Variants in XG observed in about 807,000 individuals in gnomAD.
The protein encoded by XG is Xg glycoprotein (Xg blood group).
A neutral mutation model predicts 25.7 loss-of-function variants in XG; 24 were observed. That is an observed-to-expected ratio of 0.93 (90% confidence interval 0.68 to 1.31). The LOEUF (loss-of-function observed/expected upper bound fraction) is 1.31. Ranked by LOEUF, XG falls within the 40% of genes most tolerant of loss-of-function variation. XG has a pLI of 0.00. For missense variants in XG, 181 were observed against 187.6 expected, an observed-to-expected ratio of 0.96 and a Z score of 0.21; for synonymous variants, 77 against 69.2, an observed-to-expected ratio of 1.11 and a Z score of -0.56.
At chrX:2,810,135 C>A (rs1429999078) in intron 9 of XG, among the ~76,000 whole-genome samples, 1 of 112,100 alleles carries the variant, frequency 8.9e-6, no homozygotes, top group Non-Finnish European at 1.9e-5. Flanking sequence ...CTCTTCCCCC[C>A]AGCATGGCAG....
chrX:2,759,036 C>G (rs28491451), intron 1 of XG, among the ~76,000 whole-genome samples: 1 of 2,750 alleles, frequency 3.6e-4, no homozygotes, highest in East Asian at 1.1e-3. Context: ...ATCTATGTAT[C>G]TATCTATCCA....
chrX:2,772,660 A>G (rs1241706765), intron 2 of XG, among the ~76,000 whole-genome samples: 1 of 152,238 alleles, frequency 6.6e-6, no homozygotes, highest in African/African-American at 2.4e-5. Flanking sequence ...TTGTGAATAT[A>G]TGAAACACCA....
intron 7 of XG, 22 bp downstream of exon 7, chrX:2,797,382 CGATGGTG>C: frequency 7.3e-6 from 7 of 956,915 alleles, no homozygotes; most frequent in Non-Finnish European, 1.0e-5. Context: ...TCTGGGCATG[CGATGGTG>C]GGTGGAGGGT....
At chrX:2,784,877 C>G (rs1334768386) in intron 4 of XG, among the ~76,000 whole-genome samples, 1 of 112,597 alleles carries the variant, frequency 8.9e-6, no homozygotes, top group Non-Finnish European at 1.9e-5. Context: ...TTAATCAATA[C>G]TGTGTGAATC....
chrX:2,804,641 T>TTGTTCTCTGGCA (rs1441032778), intron 7 of XG, among the ~76,000 whole-genome samples: 1 of 111,806 alleles, frequency 8.9e-6, no homozygotes, highest in African/African-American at 3.2e-5. Context: ...ACACGTTCTT[T>TTGTTCTCTGGCA]TGTTCTCTGG....
At chrX:2,773,481 G>GGGAAGGAA (rs201385717) in intron 2 of XG, among the ~76,000 whole-genome samples, 1 of 135,912 alleles carries the variant, frequency 7.4e-6, no homozygotes, top group African/African-American at 3.0e-5. Flanking sequence ...AAAGGAGAGA[G>GGGAAGGAA]GGAAGGAAGG....
rs1469147668 is a variant in XG at position 2,762,903 on chromosome X, C to A, written c.62-7647C>A. On this transcript the variant is annotated intron_variant, in intron 1 of 10. Transcript: ENST00000644266. ...TTCAAGGGAAATTCCAGGCACCTCG[C>A]TGGCCTTGAGAAGTACATGGAGCAG... 2.6e-5 allele frequency among the ~76,000 whole-genome samples: 4 copies of A among 152,224 alleles called. No individual in the cohort carries two copies. In the East Asian group the frequency reaches 7.7e-4, roughly 29 times the overall value.
At chrX:2,774,676 T>C (rs768887915) in intron 2 of XG, 40 bp from the exon 3 acceptor site, 1 of 1,611,956 alleles carries the variant, frequency 6.2e-7, no homozygotes, top group Admixed American at 1.7e-5. Context: ...CCAATGAATC[T>C]TCAATGCATA....
At chrX:2,771,559 C>T (rs1179219048) in intron 2 of XG, among the ~76,000 whole-genome samples, 7 of 152,130 alleles carry the variant, frequency 4.6e-5, no homozygotes, top group Admixed American at 1.3e-4. Flanking sequence ...GTATTCAGAC[C>T]GCGGTGGGTG....
At chrX:2,794,168 G>A (rs2086861834) in intron 5 of XG, among the ~76,000 whole-genome samples, 1 of 111,214 alleles carries the variant, frequency 9.0e-6, no homozygotes, top group Non-Finnish European at 1.9e-5. Context: ...AGGGAAGGAG[G>A]GAAGGGCAGG....
At chrX:2,800,426 G>A (rs192468304) in intron 7 of XG, among the ~76,000 whole-genome samples, 3 of 112,182 alleles carry the variant, frequency 2.7e-5, no homozygotes, top group East Asian at 5.6e-4. Context: ...GCTGGCCCTG[G>A]AGCGGCAATT....
chrX:2,755,599 GC>G (rs2050417078), intron 1 of XG, among the ~76,000 whole-genome samples: 1 of 151,996 alleles, frequency 6.6e-6, no homozygotes, highest in South Asian at 2.1e-4. Context: ...GCCTTCTATT[GC>G]CCAGCCCCTA....
chrX:2,763,660 T>G (rs1027702098), intron 1 of XG, among the ~76,000 whole-genome samples: 8 of 152,188 alleles, frequency 5.3e-5, no homozygotes, highest in Non-Finnish European at 1.0e-4. Flanking sequence ...CCCGCCTTTT[T>G]AGATCAAAGC....
At chrX:2,774,600 C>G (rs2050933482) in intron 2 of XG, 116 bp from the exon 3 acceptor site, 1 of 1,149,468 alleles carries the variant, frequency 8.7e-7, no homozygotes, top group East Asian at 2.4e-5. Context: ...ATATCATTTA[C>G]TTTGTATGGC....
chrX:2,757,971 CAA>C (rs59540338), intron 1 of XG, among the ~76,000 whole-genome samples: 60 of 88,638 alleles, frequency 6.8e-4, no homozygotes, highest in East Asian at 1.5e-3. Context: ...GACTCCATCT[CAA>C]AAAAAAAAAA....
intron 1 of XG, among the ~76,000 whole-genome samples, chrX:2,760,917 A>G (rs1356060169): frequency 6.6e-6 from 1 of 152,112 alleles, no homozygotes; most frequent in Non-Finnish European, 1.5e-5. Context: ...GAGAGGTCTC[A>G]GTAGGAACCA....
chrX:2,795,096 C>T (rs1243184564), intron 6 of XG, among the ~76,000 whole-genome samples: 4 of 107,602 alleles, frequency 3.7e-5, no homozygotes, highest in African/African-American at 6.7e-5. Flanking sequence ...ATATACAGTA[C>T]GTGGATACCT....
At chrX:2,810,045 A>G (rs1431886721) in intron 9 of XG, among the ~76,000 whole-genome samples, 1 of 111,938 alleles carries the variant, frequency 8.9e-6, no homozygotes, top group Non-Finnish European at 1.9e-5. Context: ...GGAAGAATAG[A>G]GGGCTGTCTC....
At chrX:2,775,525 C>G (rs1168894910) in intron 3 of XG, among the ~76,000 whole-genome samples, 2 of 152,022 alleles carry the variant, frequency 1.3e-5, no homozygotes, top group South Asian at 2.1e-4. Flanking sequence ...TTTGGGGGAA[C>G]GAAAGCATTC....
Sources: gnomAD v4.1 joint callset for allele counts (sites outside exome capture counted in the v4.1 genomes callset) on GRCh38, gnomAD v4.1.1 for gene constraint, MANE v1.5 for transcripts, NCBI Gene and HGNC (gene_info 2026-07-23, HGNC 2026-07-21) for gene names.